Variants in TJP1 observed in about 807,000 individuals in gnomAD.
The protein encoded by TJP1 is tight junction protein 1, also known as tight junction protein ZO-1.
TJP1 carries 43 observed loss-of-function variants against 194.2 expected under a neutral mutation model. The ratio of observed to expected loss-of-function variants is 0.22; its 90% CI spans 0.17 to 0.29. TJP1 has a LOEUF of 0.29. TJP1 is among the 10% of genes least tolerant of loss of function. The pLI, the probability that TJP1 is intolerant of heterozygous loss-of-function variation, is 1.00. For synonymous variants in TJP1, 801 were observed against 779.0 expected (o/e 1.03, Z -0.47); for missense variants, 1,971 against 2,185.7 (o/e 0.90, Z 1.96).
Position 29,718,780 on chromosome 15 carries a change from T to G in TJP1, c.3362A>C (p.Glu1121Ala), listed in dbSNP as rs2042742846. 4.3e-6 allele frequency: 7 copies of G among 1,614,140 alleles called. No homozygotes were observed. Among genetic ancestry groups the G allele is most frequent in the Non-Finnish European group, 5.9e-6 (7 of 1,180,036 alleles). ...AAAGTACCCTCGTTCTGAGGACTCT[T>G]CGGGATGCTGTCTGGAGTCAAGGTC... Reference protein sequence around the residue: ...SQDLDSRQHPEESSERGYFPR... With the variant: ...SQDLDSRQHPAESSERGYFPR... Residue 1121 changes from glutamate to alanine, a missense_variant, in exon 21 of 28, where the codon GAA (glutamate) becomes GCA (alanine). Glu to Ala is a moderately radical substitution (Grantham distance 107). Around this residue, in one of 5 missense-constraint regions of TJP1, gnomAD observed 1,108 missense variants for 1,128.5 expected, o/e 0.98. Coordinates refer to ENST00000614355, the MANE Select transcript of TJP1 (RefSeq NM_001330239.4).
intron 12 of TJP1, among the ~76,000 whole-genome samples, chr15:29,733,879 A>T (rs1444036212): frequency 2.6e-5 from 4 of 152,260 alleles, no homozygotes; most frequent in Non-Finnish European, 5.9e-5. Flanking sequence ...ATTGTATCAC[A>T]GAAAAAATGG....
chr15:29,928,852 G>A (rs977148289), intron 2 of TJP1, among the ~76,000 whole-genome samples: 4 of 152,094 alleles, frequency 2.6e-5, no homozygotes, highest in African/African-American at 9.7e-5. Context: ...TGAGACAGGA[G>A]AATGGCGTGA....
At chr15:29,823,258 C>G (rs950278067), upstream of TJP1, 2 of 152,192 alleles carry the variant, frequency 1.3e-5, no homozygotes, top group East Asian at 3.9e-4. Context: ...CCCTCCAACT[C>G]AAAGTTGGGC....
In TJP1 at chr15:29,732,733, G is replaced by C. The variant is rs2043748632; in HGVS notation, c.1819C>G (p.Leu607Val). The C allele has an allele frequency of 6.2e-7, 1 of 1,614,192 alleles. No homozygotes were observed. Among genetic ancestry groups the C allele is most frequent in the East Asian group, 2.2e-5 (1 of 44,882 alleles). The change falls in exon 14 of 28, where the codon CTT (leucine) becomes GTT (valine). Residue 607 changes from leucine (L) to valine (V), a missense_variant. Physicochemically the swap from Leu to Val is conservative, Grantham distance 32. Around this residue, in one of 5 missense-constraint regions of TJP1, gnomAD observed 402 missense variants for 484.2 expected, o/e 0.83. Coordinates refer to ENST00000614355, the MANE Select transcript of TJP1 (RefSeq NM_001330239.4). ...DRADFWRFRG[L>V]RSSKRNLRKS... is the part of the protein sequence containing the mutation. ...CGAAGATTTCTCTTGGAGCTGCGAA[G>C]ACCTCTGAATCTCCAGAAGTCAGCA...
intron 2 of TJP1, among the ~76,000 whole-genome samples, chr15:29,870,299 T>C (rs12592592): frequency 0.17 from 26,520 of 152,070 alleles, 2,872 homozygotes; most frequent in Non-Finnish European, 0.24. Context: ...CATAGGTAAA[T>C]GGTTAAGAAA....
chr15:29,782,993 G>T (rs1161980875), intron 2 of TJP1, among the ~76,000 whole-genome samples: 4 of 151,814 alleles, frequency 2.6e-5, no homozygotes, highest in Admixed American at 6.6e-5. Flanking sequence ...ACAATGAGCG[G>T]CCGGGCGTGG....
Position 29,716,813 on chromosome 15 carries a change from G to A in TJP1, c.4000C>T (p.Leu1334=), listed in dbSNP as rs1327545236. The change falls in exon 23 of 28, where the codon CTG becomes TTG. Residue 1334 remains leucine, a synonymous_variant. Coordinates refer to ENST00000614355, the MANE Select transcript of TJP1 (RefSeq NM_001330239.4). ...CGAACAATATCTTCAGGTGGCTTCA[G>A]TTGAGGTTTTTGAGGTTCTGGGATC... ...YRIPEPQKPQ[L]KPPEDIVRSN... is the part of the protein sequence containing the mutation. The A allele has an allele frequency of 6.2e-7, 1 of 1,604,014 alleles. No individual in the cohort carries two copies. Among genetic ancestry groups the A allele is most frequent in the South Asian group, 1.1e-5 (1 of 90,604 alleles).
chr15:29,935,553 T>C (rs1038496504), intron 2 of TJP1, among the ~76,000 whole-genome samples: 3 of 152,188 alleles, frequency 2.0e-5, no homozygotes, highest in African/African-American at 7.2e-5. Context: ...TCAAAATTCC[T>C]GGCTTTTCCA....
intron 2 of TJP1, among the ~76,000 whole-genome samples, chr15:29,792,416 A>AT (rs1247100018): frequency 1.3e-5 from 2 of 151,832 alleles, no homozygotes; most frequent in African/African-American, 2.4e-5. Flanking sequence ...AAATGTGTGG[A>AT]TTTTTTTCTG....
At chr15:29,859,323 G>A (rs191019101) in intron 2 of TJP1, among the ~76,000 whole-genome samples, 2 of 152,258 alleles carry the variant, frequency 1.3e-5, no homozygotes, top group East Asian at 3.9e-4. Flanking sequence ...TCTATTATAA[G>A]CAAACCTACT....
chr15:29,747,341 C>G (rs1377113257), intron 8 of TJP1, among the ~76,000 whole-genome samples: 1 of 152,084 alleles, frequency 6.6e-6, no homozygotes. Context: ...TTAGCCATTA[C>G]TTGTGTAATA....
intron 22 of TJP1, among the ~76,000 whole-genome samples, chr15:29,717,079 A>T (rs1408635425): frequency 1.3e-5 from 2 of 152,178 alleles, no homozygotes; most frequent in Admixed American, 1.3e-4. Flanking sequence ...AATAAGCTAA[A>T]CGATTACATG....
chr15:29,949,445 ACCTTC>A, intron 2 of TJP1, among the ~76,000 whole-genome samples: 1 of 137,380 alleles, frequency 7.3e-6, no homozygotes, highest in Non-Finnish European at 1.6e-5. Flanking sequence ...CTCCACCTCC[ACCTTC>A]ACCACCACTT....
intron 2 of TJP1, among the ~76,000 whole-genome samples, chr15:29,776,320 T>C (rs1032185912): frequency 6.6e-6 from 1 of 152,116 alleles, no homozygotes; most frequent in African/African-American, 2.4e-5. Flanking sequence ...TTGACAAAAT[T>C]TGACTTTCAC....
chr15:29,903,057 A>C (rs1476875406), intron 2 of TJP1, among the ~76,000 whole-genome samples: 1 of 151,952 alleles, frequency 6.6e-6, no homozygotes, highest in Non-Finnish European at 1.5e-5. Context: ...CAGCCTCTAT[A>C]AACAAAATGA....
At chr15:29,927,745 C>T (rs551618036) in intron 2 of TJP1, among the ~76,000 whole-genome samples, 19 of 152,218 alleles carry the variant, frequency 1.2e-4, no homozygotes, top group Non-Finnish European at 2.1e-4. Context: ...TGGAGAGCAT[C>T]GCTGAGCAAC....
chr15:29,868,092 G>C (rs2052370961), intron 2 of TJP1, among the ~76,000 whole-genome samples: 1 of 151,120 alleles, frequency 6.6e-6, no homozygotes, highest in African/African-American at 2.4e-5. Context: ...GGGCGTGGTA[G>C]TATGCACCTA....
intron 2 of TJP1, among the ~76,000 whole-genome samples, chr15:29,787,175 TG>T (rs2151779837): frequency 6.6e-6 from 1 of 152,296 alleles, no homozygotes; most frequent in East Asian, 1.9e-4. Context: ...TATGATTCAA[TG>T]GTTTTTAGTA....
chr15:29,892,198 AAAGCCTG>A (rs1399631166), intron 2 of TJP1, among the ~76,000 whole-genome samples: 5 of 150,390 alleles, frequency 3.3e-5, no homozygotes, highest in African/African-American at 1.2e-4. Context: ...CCCTTAAATC[AAAGCCTG>A]ACCCAAAACA....
Sources: gnomAD v4.1 joint callset for allele counts (sites outside exome capture counted in the v4.1 genomes callset) on GRCh38, gnomAD v4.1.1 for gene constraint, gnomAD v4.1.1 regional missense constraint, MANE v1.5 for transcripts, NCBI Gene and HGNC (gene_info 2026-07-23, HGNC 2026-07-21) for gene names.